The following TAPT1 variants were observed in gnomAD, a reference collection of about 807,000 sequenced individuals.
TAPT1 encodes transmembrane anterior posterior transformation protein 1 homolog.
In TAPT1, 28 loss-of-function variants were observed where a neutral mutation model predicts 65.6. The observed-to-expected ratio is 0.43, with a 90% CI of 0.32 to 0.59. The LOEUF (loss-of-function observed/expected upper bound fraction) is 0.59, where lower values mean the gene tolerates loss of function less well. Among genes scored for constraint, TAPT1 ranks in the 20% least tolerant of loss-of-function variants. The probability of loss-of-function intolerance (pLI) is 0.09; values close to 1 mark genes in which losing one functional copy is unlikely to be tolerated. For synonymous variants in TAPT1, 278 were observed against 245.2 expected, an observed-to-expected ratio of 1.13 and a Z score of -1.25; for missense variants, 563 against 679.9, an observed-to-expected ratio of 0.83 and a Z score of 1.91.
At chr4:16,206,585 T>C (rs892877204) in intron 2 of TAPT1, among the ~76,000 whole-genome samples, 1 of 151,652 alleles carries the variant, frequency 6.6e-6, no homozygotes, top group Non-Finnish European at 1.5e-5. Flanking sequence ...ACACCTTCTA[T>C]CTAGGATGAG....
At chr4:16,186,161 G>A (rs755486550) in intron 7 of TAPT1, among the ~76,000 whole-genome samples, 1 of 152,198 alleles carries the variant, frequency 6.6e-6, no homozygotes, top group Non-Finnish European at 1.5e-5. Context: ...TAAGGACTTA[G>A]AGACAATCTG....
chr4:16,193,674 C>T (rs1368720439), intron 3 of TAPT1, among the ~76,000 whole-genome samples: 1 of 152,146 alleles, frequency 6.6e-6, no homozygotes, highest in Non-Finnish European at 1.5e-5. Flanking sequence ...GAAGAGGAGA[C>T]GTTTTGAACA....
chr4:16,169,025 G>C (rs1398780608), intron 12 of TAPT1, among the ~76,000 whole-genome samples: 1 of 152,216 alleles, frequency 6.6e-6, no homozygotes, highest in Non-Finnish European at 1.5e-5. Flanking sequence ...ACATTCCTGG[G>C]TTTGGTGTAG....
intron 11 of TAPT1, among the ~76,000 whole-genome samples, chr4:16,172,746 T>A (rs192118315): frequency 6.6e-6 from 1 of 152,316 alleles, no homozygotes; most frequent in Non-Finnish European, 1.5e-5. Flanking sequence ...CTTAGCTGAT[T>A]TGCATGAGAC....
At chr4:16,224,969 C>T (rs1255982199) in intron 1 of TAPT1, among the ~76,000 whole-genome samples, 1 of 152,196 alleles carries the variant, frequency 6.6e-6, no homozygotes, top group Admixed American at 6.5e-5. Context: ...CTATTTACAA[C>T]AGAGTGCTTT....
chr4:16,192,332 C>T (rs73798869), intron 3 of TAPT1, among the ~76,000 whole-genome samples: 14,276 of 152,184 alleles, frequency 0.094, 2,117 homozygotes, highest in African/African-American at 0.32. Context: ...GTAGTTTCAC[C>T]GTTAATTTCT....
At chr4:16,225,092 G>A (rs1011223110) in intron 1 of TAPT1, among the ~76,000 whole-genome samples, 5 of 152,178 alleles carry the variant, frequency 3.3e-5, no homozygotes, top group African/African-American at 2.4e-5. Flanking sequence ...GTTTAACTGA[G>A]AACTAAACCA....
chr4:16,201,575 G>C (rs535528923), intron 3 of TAPT1, among the ~76,000 whole-genome samples: 1 of 152,180 alleles, frequency 6.6e-6, no homozygotes, highest in African/African-American at 2.4e-5. Context: ...AGACACACCG[G>C]CATAATTGTA....
chr4:16,187,143 T>C (rs1006700639), intron 5 of TAPT1, among the ~76,000 whole-genome samples: 4 of 152,210 alleles, frequency 2.6e-5, no homozygotes, highest in African/African-American at 7.2e-5. Context: ...CAGGGTTGTT[T>C]TGTTCTTTCT....
chr4:16,194,032 G>C (rs1749542557), intron 3 of TAPT1, among the ~76,000 whole-genome samples: 2 of 152,144 alleles, frequency 1.3e-5, no homozygotes, highest in South Asian at 4.1e-4. Flanking sequence ...GGGCTTTTAA[G>C]TATATATCCA....
At chr4:16,209,012 C>A (rs1750505740) in intron 2 of TAPT1, among the ~76,000 whole-genome samples, 1 of 152,124 alleles carries the variant, frequency 6.6e-6, no homozygotes, top group African/African-American at 2.4e-5. Flanking sequence ...TACAGGCGTG[C>A]ACTACCACTC....
chr4:16,225,805 T>G, intron 1 of TAPT1: 3 of 847,424 alleles, frequency 3.5e-6, no homozygotes, highest in Non-Finnish European at 4.3e-6. Flanking sequence ...GTGAAAAATC[T>G]ACTTGCAGGG....
Position 16,191,461 on chromosome 4 carries a change from ATTACCAAAATGACACCC to A in TAPT1, c.495_511del (p.Lys165AsnfsTer10). 1 of 1,573,192 alleles carries A rather than the reference ATTACCAAAATGACACCC, an allele frequency of 6.4e-7. No homozygotes were observed. The highest frequency in any genetic ancestry group is 8.6e-7 in the Non-Finnish European group (1 of 1,158,638). On this transcript the variant is annotated frameshift_variant, in exon 4 of 14. Coordinates refer to ENST00000405303, the MANE Select transcript of TAPT1 (RefSeq NM_153365.3). LOFTEE classifies it high-confidence loss of function. Reference sequence around the variant, plus strand: ...AACATAGTGCATCATAAAATAGCAGATTACCAAAATGACACCCTTCAAAATGTCACACACCTGGGCAG... The same window carrying A: ...AACATAGTGCATCATAAAATAGCAGATTCAAAATGTCACACACCTGGGCAG...
chr4:16,193,180 T>C (rs1315920556), intron 3 of TAPT1, among the ~76,000 whole-genome samples: 1 of 152,224 alleles, frequency 6.6e-6, no homozygotes, highest in Non-Finnish European at 1.5e-5. Context: ...AGACAAATTC[T>C]GTGAAGACTG....
At chr4:16,174,561 T>C in intron 10 of TAPT1, 109 bp downstream of exon 10, 1 of 1,004,630 alleles carries the variant, frequency 1.0e-6, no homozygotes, top group Non-Finnish European at 1.4e-6. Context: ...CAGTAGGCAG[T>C]TTATGTAGCT....
rs1747381506 is a variant in TAPT1, at chr4:16,163,458, A to T, written c.1554T>A (p.Leu518=). Residue 518 remains leucine (L), a synonymous_variant, in exon 14 of 14, where the codon CTT becomes CTA. Coordinates refer to ENST00000405303, the MANE Select transcript of TAPT1 (RefSeq NM_153365.3). ...AAAACTGATCAGAATTGCTTGTCAC[A>T]AGTAATGGTATGATATTTTCCTTTT... The part of the protein sequence containing the change: ...IHQKENIIPL[L]VTSNSDQFLT... 6.2e-7 allele frequency: 1 copy of T among 1,613,856 alleles called. No homozygotes were observed. Among genetic ancestry groups the T allele is most frequent in the African/African-American group, 1.3e-5 (1 of 74,926 alleles).
Position 16,161,057 on chromosome 4 carries a change from C to T in TAPT1, c.*2251G>A, listed in dbSNP as rs948240948. The T allele has an allele frequency of 7.2e-5, 11 of 152,622 alleles. No homozygotes were observed. Among genetic ancestry groups the T allele is most frequent in the African/African-American group, 2.7e-4 (11 of 41,460 alleles). The allele number at this position is 152,622 out of a possible 1,614,324, so 9.5% of individuals were successfully genotyped here. A position where few individuals can be genotyped will look rare whatever the true frequency, so the allele number is the denominator to read the frequency against. ...AAAATATTTTGTGTGACATTCAAAA[C>T]ACTTGTAAAATGCAAATACCTTCAT... On this transcript the variant is annotated 3_prime_UTR_variant, in exon 14 of 14. Transcript: ENST00000405303.
chr4:16,163,793 C>T (rs1261044789), intron 13 of TAPT1, among the ~76,000 whole-genome samples: 1 of 152,204 alleles, frequency 6.6e-6, no homozygotes, highest in Admixed American at 6.5e-5. Flanking sequence ...CATCACCCAA[C>T]TGCAGAAAGA....
intron 2 of TAPT1, among the ~76,000 whole-genome samples, chr4:16,210,529 A>G (rs888416089): frequency 3.3e-5 from 5 of 152,184 alleles, no homozygotes; most frequent in African/African-American, 4.8e-5. Context: ...AGGTTGTGAA[A>G]AATTTTACAT....
Sources: gnomAD v4.1 joint callset for allele counts (sites outside exome capture counted in the v4.1 genomes callset) on GRCh38, gnomAD v4.1.1 for gene constraint, MANE v1.5 for transcripts, NCBI Gene and HGNC (gene_info 2026-07-23, HGNC 2026-07-21) for gene names.